PDE3A: variants seen among roughly 807,000 people sequenced by gnomAD.
PDE3A encodes the protein cGMP-inhibited 3',5'-cyclic phosphodiesterase 3A.
PDE3A carries 43 observed loss-of-function variants against 98.3 expected under a neutral mutation model. The ratio of observed to expected loss-of-function variants is 0.44; its 90% CI spans 0.34 to 0.56. PDE3A has a LOEUF of 0.56. PDE3A is among the 20% of genes least tolerant of loss of function. The probability of loss-of-function intolerance (pLI) is 0.01; values close to 1 mark genes in which losing one functional copy is unlikely to be tolerated. For missense variants in PDE3A, 1,427 were observed against 1,440.7 expected (o/e 0.99, Z 0.15); for synonymous variants, 663 against 567.9 (o/e 1.17, Z -2.38).
intron 3 of PDE3A, among the ~76,000 whole-genome samples, chr12:20,614,229 C>A (rs1258224380): frequency 6.6e-6 from 1 of 152,038 alleles, no homozygotes; most frequent in African/African-American, 2.4e-5. Context: ...TTAGTGATTT[C>A]TATAAATATA....
intron 4 of PDE3A, among the ~76,000 whole-genome samples, chr12:20,620,711 C>G (rs560843593): frequency 6.6e-6 from 1 of 152,082 alleles, no homozygotes; most frequent in East Asian, 1.9e-4. Flanking sequence ...TAGTTCCTAT[C>G]ATCAGTGTGT....
intron 2 of PDE3A, among the ~76,000 whole-genome samples, chr12:20,601,568 A>G (rs929156485): frequency 6.6e-6 from 1 of 152,218 alleles, no homozygotes; most frequent in Non-Finnish European, 1.5e-5. Context: ...AATGTTAATC[A>G]AATTGTGCAT....
intron 1 of PDE3A, among the ~76,000 whole-genome samples, chr12:20,496,467 G>A (rs905418224): frequency 2.0e-5 from 3 of 151,374 alleles, no homozygotes; most frequent in African/African-American, 4.8e-5. Context: ...GAGATCTGAC[G>A]TGACAGCTCT....
chr12:20,625,762 C>T lies in PDE3A; in HGVS notation c.1541-4146C>T, dbSNP rs111382250. On this transcript the variant is annotated intron_variant, in intron 5 of 15. Coordinates refer to ENST00000359062, the MANE Select transcript of PDE3A (RefSeq NM_000921.5). ...CTTGACACACATTTTCTCATGCCCT[C>T]AGGAACAAGGAATTAAAGGCCGAAT... Among the ~76,000 whole-genome samples the T allele has an allele frequency of 3.3e-5, 5 of 152,280 alleles. 1 individual carries two copies. Among genetic ancestry groups the T allele is most frequent in the African/African-American group, 1.2e-4 (5 of 41,546 alleles).
intron 2 of PDE3A, among the ~76,000 whole-genome samples, chr12:20,574,296 C>T (rs996038827): frequency 1.3e-5 from 2 of 152,090 alleles, no homozygotes; most frequent in Non-Finnish European, 2.9e-5. Flanking sequence ...CATGAAATTA[C>T]ACATTTTAAA....
chr12:20,572,451 A>G (rs960820577), intron 2 of PDE3A, among the ~76,000 whole-genome samples: 3 of 152,114 alleles, frequency 2.0e-5, no homozygotes, highest in African/African-American at 7.2e-5. Context: ...TTAACTTAGA[A>G]CTGTTCACTA....
intron 1 of PDE3A, among the ~76,000 whole-genome samples, chr12:20,505,942 A>G (rs1355376948): frequency 6.6e-6 from 1 of 152,030 alleles, no homozygotes; most frequent in African/African-American, 2.4e-5. Flanking sequence ...TAGTGCCCCC[A>G]AAACACATAT....
At chr12:20,407,284 C>T (rs934287881) in intron 1 of PDE3A, among the ~76,000 whole-genome samples, 3 of 152,114 alleles carry the variant, frequency 2.0e-5, no homozygotes, top group African/African-American at 7.2e-5. Flanking sequence ...TGTCAAAGTG[C>T]CAAACATATA....
At chr12:20,534,191 TC>T (rs1941695104) in intron 1 of PDE3A, among the ~76,000 whole-genome samples, 1 of 152,240 alleles carries the variant, frequency 6.6e-6, no homozygotes, top group South Asian at 2.1e-4. Flanking sequence ...ATGTTTTGTT[TC>T]CCTCTAGAGA....
At chr12:20,461,236 GAAAAAAA>G (rs67508401) in intron 1 of PDE3A, among the ~76,000 whole-genome samples, 3 of 98,520 alleles carry the variant, frequency 3.0e-5, no homozygotes, top group African/African-American at 4.2e-5. Flanking sequence ...GTGTTTGTCA[GAAAAAAA>G]AAAAAAAAAA....
chr12:20,530,299 C>CAATG, intron 1 of PDE3A, among the ~76,000 whole-genome samples: 1 of 152,208 alleles, frequency 6.6e-6, no homozygotes, highest in South Asian at 2.1e-4. Context: ...TCATAGTAGT[C>CAATG]AATGAATTAG....
chr12:20,461,199 T>C (rs1354715889), intron 1 of PDE3A, among the ~76,000 whole-genome samples: 1 of 130,972 alleles, frequency 7.6e-6, no homozygotes, highest in African/African-American at 3.0e-5. Context: ...ATTATCTTTG[T>C]AACAGAGAGC....
At position 20,395,496 on chromosome 12, in the gene PDE3A, TACATAGTATAATATGTATACTATGTGTAC is replaced by T. The variant is rs1193667290; in HGVS notation, c.960+25292_960+25320del. Among the ~76,000 whole-genome samples the T allele has an allele frequency of 4.0e-3, 516 of 127,500 alleles. 1 individual carries two copies. Among genetic ancestry groups the T allele is most frequent in the African/African-American group, 0.014 (442 of 31,832 alleles). The allele number at this position is 127,500 out of a possible 152,430, so 83.6% of individuals were successfully genotyped here. A position where few individuals can be genotyped will look rare whatever the true frequency, so the allele number is the denominator to read the frequency against. On this transcript the variant is annotated intron_variant, in intron 1 of 15. Coordinates refer to ENST00000359062, the MANE Select transcript of PDE3A (RefSeq NM_000921.5). ...ACTATGTATACACATAGTATATATA[TACATAGTATAATATGTATACTATGTGTAC>T]ACATAGTATAATATGTATACTATGT...
chr12:20,560,439 T>A (rs1027020063), intron 2 of PDE3A, among the ~76,000 whole-genome samples: 40 of 152,042 alleles, frequency 2.6e-4, no homozygotes, highest in African/African-American at 9.2e-4. Context: ...TCAAGAAAAT[T>A]AAAAATGTAG....
intron 15 of PDE3A, among the ~76,000 whole-genome samples, chr12:20,673,976 C>T (rs1005487423): frequency 6.6e-6 from 1 of 152,052 alleles, no homozygotes; most frequent in Non-Finnish European, 1.5e-5. Context: ...TCTTTGCATT[C>T]GTGTGTGTTG....
At chr12:20,610,694 C>T (rs941267306) in intron 2 of PDE3A, among the ~76,000 whole-genome samples, 2 of 151,870 alleles carry the variant, frequency 1.3e-5, no homozygotes, top group African/African-American at 4.8e-5. Flanking sequence ...AATGGAATAG[C>T]ATTCACCCTT....
chr12:20,524,638 T>G (rs1462286818), intron 1 of PDE3A, among the ~76,000 whole-genome samples: 1 of 151,830 alleles, frequency 6.6e-6, no homozygotes, highest in Non-Finnish European at 1.5e-5. Context: ...TTAAAAATAT[T>G]TTATATATAG....
intron 1 of PDE3A, among the ~76,000 whole-genome samples, chr12:20,442,387 A>G (rs1944884435): frequency 6.6e-6 from 1 of 150,898 alleles, no homozygotes; most frequent in South Asian, 2.1e-4. Context: ...TGCTTATCAT[A>G]GTTACCTCTG....
At chr12:20,442,859 G>A (rs772208918) in intron 1 of PDE3A, among the ~76,000 whole-genome samples, 1 of 152,210 alleles carries the variant, frequency 6.6e-6, no homozygotes, top group East Asian at 1.9e-4. Flanking sequence ...GCACAAAAAT[G>A]TGTTAAAACT....
Sources: allele counts gnomAD v4.1 joint callset (sites outside exome capture counted in the v4.1 genomes callset), GRCh38; gene constraint gnomAD v4.1.1; transcripts MANE v1.5; gene names NCBI Gene and HGNC (gene_info 2026-07-23, HGNC 2026-07-21).